The following LRRC4C variants were observed in gnomAD, a reference collection of about 807,000 sequenced individuals.
LRRC4C encodes the protein leucine-rich repeat-containing protein 4C.
LRRC4C carries 5 observed loss-of-function variants against 33.6 expected under a neutral mutation model. The observed-to-expected ratio is 0.15, with a 90% CI of 0.08 to 0.31. The LOEUF (loss-of-function observed/expected upper bound fraction) is 0.31, where lower values mean the gene tolerates loss of function less well. Among genes scored for constraint, LRRC4C ranks in the 10% least tolerant of loss-of-function variants. The pLI is 1.00. For synonymous variants in LRRC4C, 329 were observed against 302.0 expected (o/e 1.09, Z -0.93); for missense variants, 560 against 796.7 (o/e 0.70, Z 3.58).
intron 3 of LRRC4C, among the ~76,000 whole-genome samples, chr11:40,448,585 C>T (rs1951745965): frequency 6.6e-6 from 1 of 152,094 alleles, no homozygotes; most frequent in Non-Finnish European, 1.5e-5. Flanking sequence ...TGAACTCATC[C>T]TTTTTTACAG....
At chr11:40,727,833 G>C (rs574923194) in intron 2 of LRRC4C, among the ~76,000 whole-genome samples, 3 of 152,200 alleles carry the variant, frequency 2.0e-5, no homozygotes, top group East Asian at 3.9e-4. Flanking sequence ...CGGATCACCT[G>C]AGTTCAGGAG....
intron 3 of LRRC4C, among the ~76,000 whole-genome samples, chr11:40,492,827 T>C (rs1214620966): frequency 6.6e-6 from 1 of 152,138 alleles, no homozygotes; most frequent in Non-Finnish European, 1.5e-5. Flanking sequence ...AGTTATTTTT[T>C]CACTGATGGT....
intron 1 of LRRC4C, among the ~76,000 whole-genome samples, chr11:41,366,844 T>C (rs10837637): frequency 0.2 from 30,154 of 152,030 alleles, 3,199 homozygotes; most frequent in East Asian, 0.42. Flanking sequence ...ACTTCCAGTC[T>C]CCAGAATTGT....
At chr11:41,177,466 T>C (rs182114325) in intron 1 of LRRC4C, among the ~76,000 whole-genome samples, 1 of 152,348 alleles carries the variant, frequency 6.6e-6, no homozygotes, top group East Asian at 1.9e-4. Context: ...CAGAGGTCTT[T>C]GTATGATCAC....
At chr11:41,393,197 A>G (rs1953672439) in intron 1 of LRRC4C, among the ~76,000 whole-genome samples, 1 of 151,918 alleles carries the variant, frequency 6.6e-6, no homozygotes, top group African/African-American at 2.4e-5. Flanking sequence ...CAAATTTCTT[A>G]TACATCAAAA....
At chr11:40,398,331 G>A (rs1289876021) in intron 3 of LRRC4C, among the ~76,000 whole-genome samples, 1 of 151,896 alleles carries the variant, frequency 6.6e-6, no homozygotes, top group African/African-American at 2.4e-5. Flanking sequence ...ATCATAAGCT[G>A]AAAAATGTTA....
intron 3 of LRRC4C, among the ~76,000 whole-genome samples, chr11:40,509,252 G>A (rs1309928419): frequency 1.3e-5 from 2 of 152,112 alleles, no homozygotes; most frequent in Non-Finnish European, 2.9e-5. Flanking sequence ...AATAATTTAA[G>A]CAATGCATCT....
chr11:40,502,280 C>A (rs1954814792), intron 3 of LRRC4C, among the ~76,000 whole-genome samples: 1 of 152,188 alleles, frequency 6.6e-6, no homozygotes, highest in Admixed American at 6.5e-5. Flanking sequence ...CAATCTTTGC[C>A]TGTTTCCCAG....
intron 1 of LRRC4C, among the ~76,000 whole-genome samples, chr11:41,032,389 C>A (rs2137834921): frequency 6.6e-6 from 1 of 152,064 alleles, no homozygotes; most frequent in East Asian, 1.9e-4. Flanking sequence ...TTGAAAAATT[C>A]ACCCCAACCT....
chr11:41,223,918 A>G (rs1947414229), intron 1 of LRRC4C, among the ~76,000 whole-genome samples: 1 of 152,172 alleles, frequency 6.6e-6, no homozygotes, highest in African/African-American at 2.4e-5. Flanking sequence ...TGCTTTCCCA[A>G]TTAGTTTCTT....
chr11:40,561,177 T>C (rs1393404050), intron 3 of LRRC4C, among the ~76,000 whole-genome samples: 1 of 152,094 alleles, frequency 6.6e-6, no homozygotes, highest in Non-Finnish European at 1.5e-5. Context: ...AACAGATGCA[T>C]AAAGGGGGAA....
At chr11:41,036,216 C>G (rs140293558) in intron 1 of LRRC4C, among the ~76,000 whole-genome samples, 1 of 152,028 alleles carries the variant, frequency 6.6e-6, no homozygotes, top group Admixed American at 6.6e-5. Context: ...ATTCAAGTAG[C>G]CTTCATTCTT....
intron 1 of LRRC4C, among the ~76,000 whole-genome samples, chr11:41,242,195 TC>T (rs1449992041): frequency 6.6e-6 from 1 of 152,172 alleles, no homozygotes; most frequent in Non-Finnish European, 1.5e-5. Flanking sequence ...ACTTTGATTT[TC>T]CAGTGTTGAT....
At chr11:41,164,191 ATT>A (rs57477183) in intron 1 of LRRC4C, among the ~76,000 whole-genome samples, 205 of 88,460 alleles carry the variant, frequency 2.3e-3, no homozygotes, top group Middle Eastern at 7.6e-3. Context: ...TACCTTTTTT[ATT>A]TTTTTTTTTT....
chr11:40,307,886 G>T (rs1443540377), intron 4 of LRRC4C, among the ~76,000 whole-genome samples: 4 of 152,182 alleles, frequency 2.6e-5, no homozygotes, highest in Non-Finnish European at 5.9e-5. Flanking sequence ...GCCAATAGAG[G>T]TTTATTGTTT....
intron 2 of LRRC4C, among the ~76,000 whole-genome samples, chr11:40,894,976 T>C (rs1232558779): frequency 6.6e-6 from 1 of 152,166 alleles, no homozygotes; most frequent in Non-Finnish European, 1.5e-5. Context: ...CTAACTCATA[T>C]CTCTCTTTTT....
At chr11:41,304,061 C>CCT (rs1950381703) in intron 1 of LRRC4C, among the ~76,000 whole-genome samples, 1 of 72,214 alleles carries the variant, frequency 1.4e-5, no homozygotes, top group Non-Finnish European at 3.4e-5. Context: ...GTCAGCCCCC[C>CCT]GCCCAGCCAG....
At chr11:40,885,915 T>C (rs1955432176) in intron 2 of LRRC4C, among the ~76,000 whole-genome samples, 1 of 152,076 alleles carries the variant, frequency 6.6e-6, no homozygotes, top group Non-Finnish European at 1.5e-5. Context: ...ATATTTTGGA[T>C]GGCTGTAGAA....
At chr11:40,542,605 A>G (rs551603299) in intron 3 of LRRC4C, among the ~76,000 whole-genome samples, 8 of 151,984 alleles carry the variant, frequency 5.3e-5, no homozygotes, top group South Asian at 4.2e-4. Flanking sequence ...GAGTTTCCCT[A>G]GAGCAAGCCC....
Sources: allele counts gnomAD v4.1 joint callset (sites outside exome capture counted in the v4.1 genomes callset), GRCh38; gene constraint gnomAD v4.1.1; transcripts MANE v1.5; gene names NCBI Gene and HGNC (gene_info 2026-07-23, HGNC 2026-07-21).